SKIL: variants seen among roughly 807,000 people sequenced by gnomAD.
The protein encoded by SKIL is SKI like proto-oncogene.
A neutral mutation model predicts 69.6 loss-of-function variants in SKIL; 20 were observed. That is an observed-to-expected ratio of 0.29 (90% CI 0.20 to 0.42). The LOEUF is 0.42. Among genes scored for constraint, SKIL ranks in the 10% least tolerant of loss-of-function variants. SKIL has a pLI of 1.00. For synonymous variants in SKIL, 310 were observed against 279.9 expected (o/e 1.11, Z -1.08); for missense variants, 745 against 783.1 (o/e 0.95, Z 0.58).
chr3:170,376,570 C>T (rs1487385876), intron 2 of SKIL, among the ~76,000 whole-genome samples: 1 of 152,072 alleles, frequency 6.6e-6, no homozygotes, highest in Non-Finnish European at 1.5e-5. Context: ...GTCACGTTGA[C>T]TCAAGAGTTT....
intron 4 of SKIL, among the ~76,000 whole-genome samples, chr3:170,389,971 C>G (rs1160257705): frequency 6.6e-6 from 1 of 152,268 alleles, no homozygotes; most frequent in South Asian, 2.1e-4. Context: ...CTATTACTGT[C>G]TTAACAATAT....
In SKIL at chr3:170,363,349, G is replaced by T. The variant is rs909931829; in HGVS notation, c.1098+1920G>T. Among the ~76,000 whole-genome samples, 10 of 152,134 alleles carry T rather than the reference G, an allele frequency of 6.6e-5. No homozygotes were observed. The East Asian group carries it at 1.9e-3, about 29-fold the overall frequency. On this transcript the variant is annotated intron_variant, in intron 2 of 6. Coordinates refer to ENST00000259119, the MANE Select transcript of SKIL (RefSeq NM_005414.5). Reference sequence around the variant, plus strand: ...AGTTAACAGTGTAGTTTAAGACATTGGTTAAGCCTAATGAAGATAATAATT... The same window carrying T: ...AGTTAACAGTGTAGTTTAAGACATTTGTTAAGCCTAATGAAGATAATAATT...
chr3:170,388,847 A>G (rs1017946778), intron 4 of SKIL, among the ~76,000 whole-genome samples: 4 of 142,744 alleles, frequency 2.8e-5, no homozygotes, highest in African/African-American at 1.1e-4. Context: ...AATTCCAAGA[A>G]ATATTTATTT....
In SKIL at chr3:170,393,990, A is replaced by G. The variant is rs1186227344; in HGVS notation, c.*1573A>G. On this transcript the variant is annotated 3_prime_UTR_variant, in exon 7 of 7. Transcript: ENST00000259119. ...CAAATGTAATTTATTTACTAAATTG[A>G]GTATAACCTAAATGTGTGTTTTCTA... 1 of 152,134 alleles carries G rather than the reference A, an allele frequency of 6.6e-6. No individual in the cohort carries two copies. The highest frequency in any genetic ancestry group is 1.5e-5 in the Non-Finnish European group (1 of 68,022). 9.4% of individuals were successfully genotyped at this position (152,134 alleles called of 1,614,324 possible).
In SKIL at chr3:170,394,909, AT is replaced by A. The variant is rs1212818081; in HGVS notation, c.*2496del. ...AACTTATTCTATTCTTTGCATGCTTATTTTGTGTGTTGGTTGCTAGCTTAAA... is the reference window on the plus strand; with the variant it reads ...AACTTATTCTATTCTTTGCATGCTTATTTGTGTGTTGGTTGCTAGCTTAAA... On this transcript the variant is annotated 3_prime_UTR_variant, in exon 7 of 7. Transcript: ENST00000259119. 3 of 152,090 alleles carry A rather than the reference AT, an allele frequency of 2.0e-5. No homozygotes were observed. Among genetic ancestry groups the A allele is most frequent in the Non-Finnish European group, 4.4e-5 (3 of 67,986 alleles). 9.4% of individuals were successfully genotyped at this position (152,090 alleles called of 1,614,324 possible).
intron 1 of SKIL, among the ~76,000 whole-genome samples, chr3:170,358,187 G>T (rs906201285): frequency 3.4e-4 from 52 of 152,320 alleles, no homozygotes; most frequent in African/African-American, 1.2e-3. Flanking sequence ...AACTGCCCTG[G>T]TGTCCTCTTC....
Position 170,360,545 on chromosome 3 carries a change from A to C in SKIL, c.214A>C (p.Thr72Pro), listed in dbSNP as rs1736174706. The change falls in exon 2 of 7, where the codon ACC (threonine) becomes CCC (proline). Residue 72 changes from threonine to proline, a missense_variant. Coordinates refer to ENST00000259119, the MANE Select transcript of SKIL (RefSeq NM_005414.5). ...AACTGATGGAGAGCATGTTAAGCGA[A>C]CCTGTACTTCTGTTCCTGAAACTTT... ...VETDGEHVKR[T>P]CTSVPETLHL... 6.2e-7 allele frequency: 1 copy of C among 1,614,120 alleles called. No individual in the cohort carries two copies. The highest frequency in any genetic ancestry group is 1.1e-5 in the South Asian group (1 of 91,092).
intron 6 of SKIL, among the ~76,000 whole-genome samples, chr3:170,391,479 C>A (rs922042070): frequency 6.6e-6 from 1 of 151,874 alleles, no homozygotes; most frequent in Non-Finnish European, 1.5e-5. Flanking sequence ...GACACTATGC[C>A]CAGCTAAATT....
chr3:170,362,667 T>C (rs956394308), intron 2 of SKIL, among the ~76,000 whole-genome samples: 2 of 151,388 alleles, frequency 1.3e-5, no homozygotes, highest in African/African-American at 4.9e-5. Flanking sequence ...ATACAAAAAT[T>C]AGCCAGGCAT....
At chr3:170,379,482 C>CA (rs1553854065) in intron 2 of SKIL, among the ~76,000 whole-genome samples, 1 of 59,640 alleles carries the variant, frequency 1.7e-5, no homozygotes, top group African/African-American at 3.9e-5. Flanking sequence ...AGTCTTGCCC[C>CA]CCCTTTTAAG....
Position 170,361,040 on chromosome 3 carries a change from C to T in SKIL, c.709C>T (p.Arg237Ter). The T allele has an allele frequency of 1.9e-6, 3 of 1,614,168 alleles. No homozygotes were observed. Among genetic ancestry groups the T allele is most frequent in the Non-Finnish European group, 2.5e-6 (3 of 1,180,032 alleles). ...ATTATGTAATGCTTTATTGCGGCCA[C>T]GAACTTTTCCTCAAAATGGTAGCGT... is the stretch of plus-strand genomic sequence containing the variant. ...QRLCNALLRP[R>*]TFPQNGSVLP... The change falls in exon 2 of 7, where the codon CGA becomes TGA. Residue 237 changes from arginine (R) to a stop codon, truncating the protein, a stop_gained. Transcript: ENST00000259119. LOFTEE classifies it high-confidence loss of function.
intron 4 of SKIL, among the ~76,000 whole-genome samples, chr3:170,388,489 A>G (rs1737759021): frequency 6.6e-6 from 1 of 151,548 alleles, no homozygotes; most frequent in South Asian, 2.1e-4. Context: ...GTCTGGCTGT[A>G]TCACCCCAGC....
rs1406149142 is a variant in SKIL, at chr3:170,392,266, A to G, written c.1904A>G (p.Glu635Gly). Reference protein sequence around the residue: ...KEAEYAGQLAELRQRLDHAEA... With the variant: ...KEAEYAGQLAGLRQRLDHAEA... The stretch of plus-strand genomic sequence containing the variant: ...GCCTTTTAAATCACATAGTTGGCAG[A>G]ACTGAGGCAGAGATTGGACCATGCT... The change falls in exon 7 of 7, where the codon GAA (glutamate) becomes GGA (glycine). Residue 635 changes from glutamate (E) to glycine (G), a missense_variant. By Grantham distance (98) the Glu-to-Gly change is moderately conservative. Transcript: ENST00000259119. 1.2e-6 allele frequency: 2 copies of G among 1,600,376 alleles called. No homozygotes were observed.
intron 2 of SKIL, among the ~76,000 whole-genome samples, chr3:170,366,219 C>G (rs1189525754): frequency 6.6e-6 from 1 of 151,246 alleles, no homozygotes; most frequent in Non-Finnish European, 1.5e-5. Flanking sequence ...GTAAGTTGTT[C>G]GAAATGAAAC....
chr3:170,381,392 A>G (rs767401303), intron 3 of SKIL, 51 bp downstream of exon 3: 5 of 862,120 alleles, frequency 5.8e-6, no homozygotes, highest in South Asian at 5.3e-5. Context: ...TCATTCAACA[A>G]CTATATGCCA....
In SKIL at chr3:170,384,723, A is replaced by C. The variant is rs1417204437; in HGVS notation, c.1387A>C (p.Lys463Gln). The C allele has an allele frequency of 6.2e-7, 1 of 1,608,562 alleles. No homozygotes were observed. The highest frequency in any genetic ancestry group is 8.5e-7 in the Non-Finnish European group (1 of 1,176,270). Reference sequence around the variant, plus strand: ...AGATGTCTCACTTGAGGAACAGGAGAAAATGGATTTAAAAACAAGTAGAGA... The same window carrying C: ...AGATGTCTCACTTGAGGAACAGGAGCAAATGGATTTAAAAACAAGTAGAGA... The part of the protein sequence containing the change: ...YPDVSLEEQE[K>Q]MDLKTSRELC... The change falls in exon 4 of 7, where the codon AAA becomes CAA. Residue 463 changes from lysine (K) to glutamine (Q), a missense_variant. Lys to Gln is a moderately conservative substitution (Grantham distance 53, BLOSUM62 1). Coordinates refer to ENST00000259119, the MANE Select transcript of SKIL (RefSeq NM_005414.5).
chr3:170,394,377 A>T lies in SKIL; in HGVS notation c.*1960A>T, dbSNP rs989769561. On this transcript the variant is annotated 3_prime_UTR_variant, in exon 7 of 7. Transcript: ENST00000259119. ...GAGAAGGAAAAATCAGATATTTATGATATAGTTTTATTTTAATTTTGAATT... is the reference window on the plus strand; with the variant it reads ...GAGAAGGAAAAATCAGATATTTATGTTATAGTTTTATTTTAATTTTGAATT... The T allele has an allele frequency of 2.6e-5, 4 of 152,094 alleles. No homozygotes were observed. Among genetic ancestry groups the T allele is most frequent in the Admixed American group, 2.6e-4 (4 of 15,262 alleles). The allele number at this position is 152,094 out of a possible 1,614,324, so 9.4% of individuals were successfully genotyped here. A position where few individuals can be genotyped will look rare whatever the true frequency, so the allele number is the denominator to read the frequency against.
In SKIL at chr3:170,390,350, A is replaced by G; in HGVS notation, c.1557A>G (p.Lys519=). Residue 519 remains lysine, a synonymous_variant, in exon 5 of 7, where the codon AAA becomes AAG. Transcript: ENST00000259119. The part of the protein sequence containing the change: ...VAAASSPLLV[K]DVICEDDKGK... ...CCGCTTCATCTCCGCTTCTTGTGAA[A>G]GATGTCATTTGTGAGGATGATAAGG... is the stretch of plus-strand genomic sequence containing the variant. The G allele has an allele frequency of 6.2e-7, 1 of 1,614,160 alleles. No individual in the cohort carries two copies. The highest frequency in any genetic ancestry group is 1.6e-4 in the Middle Eastern group (1 of 6,062).
At chr3:170,372,389 C>G (rs964749534) in intron 2 of SKIL, among the ~76,000 whole-genome samples, 1 of 152,174 alleles carries the variant, frequency 6.6e-6, no homozygotes, top group Non-Finnish European at 1.5e-5. Context: ...TGCTGTGACT[C>G]CTGACGATCT....
Sources: allele counts gnomAD v4.1 joint callset (sites outside exome capture counted in the v4.1 genomes callset), GRCh38; gene constraint gnomAD v4.1.1; transcripts MANE v1.5; gene names NCBI Gene and HGNC (gene_info 2026-07-23, HGNC 2026-07-21).